CLIP1: variants seen among roughly 807,000 people sequenced by gnomAD.
CLIP1 encodes the protein CAP-Gly domain-containing linker protein 1.
A neutral mutation model predicts 161.6 loss-of-function variants in CLIP1; 66 were observed. That is an observed-to-expected ratio of 0.41 (90% confidence interval 0.33 to 0.50). CLIP1 has a LOEUF of 0.50. Ranked by LOEUF, CLIP1 falls within the 20% of genes least tolerant of loss-of-function variation. CLIP1 has a pLI of 0.27. For missense variants in CLIP1, 1,376 were observed against 1,702.0 expected (o/e 0.81, Z 3.37); for synonymous variants, 598 against 626.2 (o/e 0.96, Z 0.67).
intron 20 of CLIP1, among the ~76,000 whole-genome samples, chr12:122,289,014 C>T (rs1955982505): frequency 1.3e-5 from 2 of 151,028 alleles, no homozygotes; most frequent in Non-Finnish European, 3.0e-5. Flanking sequence ...GACGGGTTTT[C>T]ACCGTCTTAG....
rs779308380 is a variant in CLIP1 at position 122,311,719 on chromosome 12, G to A, written c.3474-1837C>T. 2.6e-5 allele frequency among the ~76,000 whole-genome samples: 4 copies of A among 152,082 alleles called. No homozygotes were observed. Among genetic ancestry groups the A allele is most frequent in the East Asian group, 1.9e-4 (1 of 5,194 alleles). On this transcript the variant is annotated intron_variant, in intron 19 of 25. Coordinates refer to ENST00000620786, the MANE Select transcript of CLIP1 (RefSeq NM_001247997.2). This position sits in a 1 kb window ranked among gnomAD's most constrained non-coding sequence, Gnocchi z 4.3. ...ATTACAGGCATGAGCCACCGCGCCC[G>A]GCCAAAATTATTGTTTTAAAATTTA... is the stretch of plus-strand genomic sequence containing the variant.
rs371382106 is a variant in CLIP1, at chr12:122,301,392, C to T, written c.3594+8370G>A. On this transcript the variant is annotated intron_variant, in intron 20 of 25. Transcript: ENST00000620786. Reference sequence around the variant, plus strand: ...GAAATATTAAAAACTTAGTCTGGGTCGGGCGCGGCGGCTCATGCCTATAAT... The same window carrying T: ...GAAATATTAAAAACTTAGTCTGGGTTGGGCGCGGCGGCTCATGCCTATAAT... Among the ~76,000 whole-genome samples the T allele has an allele frequency of 5.3e-5, 8 of 152,160 alleles. No homozygotes were observed. The East Asian group carries it at 5.8e-4, about 11-fold the overall frequency.
chr12:122,312,490 G>A (rs370218214), intron 19 of CLIP1, among the ~76,000 whole-genome samples: 60 of 152,302 alleles, frequency 3.9e-4, no homozygotes, highest in African/African-American at 1.4e-3. Context: ...GTGGCTGAGC[G>A]TAGTGGCTCA....
At chr12:122,292,104 G>A (rs1950271102) in intron 20 of CLIP1, among the ~76,000 whole-genome samples, 1 of 151,750 alleles carries the variant, frequency 6.6e-6, no homozygotes, top group Admixed American at 6.6e-5. Context: ...CAATTCTCGT[G>A]CCTCAGCCTC....
intron 11 of CLIP1, 117 bp downstream of exon 11, chr12:122,340,636 C>G (rs1952454160): frequency 1.3e-6 from 1 of 795,088 alleles, no homozygotes; most frequent in African/African-American, 1.7e-5. Context: ...CTGGGGACAT[C>G]AAGCAATTTA....
At chr12:122,407,988 C>T (rs1269071519) in intron 1 of CLIP1, among the ~76,000 whole-genome samples, 2 of 151,458 alleles carry the variant, frequency 1.3e-5, no homozygotes, top group Non-Finnish European at 2.9e-5. Context: ...GCCTGTAATG[C>T]CAGCACTTTG....
At chr12:122,381,792 C>G (rs1955023059) in intron 1 of CLIP1, among the ~76,000 whole-genome samples, 1 of 152,178 alleles carries the variant, frequency 6.6e-6, no homozygotes, top group Non-Finnish European at 1.5e-5. Context: ...ACAGTGCCCT[C>G]CCCCAAAGAC....
At chr12:122,345,930 C>A (rs1952726461) in intron 10 of CLIP1, among the ~76,000 whole-genome samples, 2 of 152,074 alleles carry the variant, frequency 1.3e-5, no homozygotes, top group Admixed American at 1.3e-4. Flanking sequence ...GGATTACAGG[C>A]ATGTGTCACC....
At chr12:122,393,719 C>A (rs1955767999) in intron 1 of CLIP1, among the ~76,000 whole-genome samples, 1 of 151,864 alleles carries the variant, frequency 6.6e-6, no homozygotes, top group Non-Finnish European at 1.5e-5. Flanking sequence ...CGAGACCAGC[C>A]TGGACAACAA....
intron 1 of CLIP1, among the ~76,000 whole-genome samples, chr12:122,416,841 A>G (rs1031522062): frequency 6.6e-6 from 1 of 151,996 alleles, no homozygotes; most frequent in Non-Finnish European, 1.5e-5. Context: ...CAGAGGTTGC[A>G]GTAAGCAGAG....
At chr12:122,370,959 AAAAAAAAAAAG>A (rs1417063499) in intron 3 of CLIP1, among the ~76,000 whole-genome samples, 2 of 122,632 alleles carry the variant, frequency 1.6e-5, no homozygotes, top group Admixed American at 7.8e-5. Context: ...CTCTGTCTCA[AAAAAAAAAAAG>A]AAAAAAAAAA....
At position 122,328,276 on chromosome 12, in the gene CLIP1, C is replaced by T. The variant is rs775744913; in HGVS notation, c.3018G>A (p.Arg1006=). ...ATCTCCTTACCAGGTCCGACAATTT[C>T]CTCTCCAATTCTTTCTTTTCTTCCT... ...KHEEEKKELE[R]KLSDLEKKME... Residue 1006 remains arginine, a synonymous_variant, in exon 16 of 26, where the codon AGG becomes AGA. Transcript: ENST00000620786. The T allele has an allele frequency of 3.1e-6, 5 of 1,613,940 alleles. No individual in the cohort carries two copies. Among genetic ancestry groups the T allele is most frequent in the Non-Finnish European group, 4.2e-6 (5 of 1,180,014 alleles).
intron 20 of CLIP1, among the ~76,000 whole-genome samples, chr12:122,289,054 G>A (rs936497144): frequency 2.7e-5 from 4 of 150,166 alleles, no homozygotes; most frequent in African/African-American, 9.7e-5. Context: ...CTGACCTTGT[G>A]ATCCGCCCGC....
At chr12:122,388,360 C>T (rs1252727902) in intron 1 of CLIP1, among the ~76,000 whole-genome samples, 1 of 152,150 alleles carries the variant, frequency 6.6e-6, no homozygotes, top group Non-Finnish European at 1.5e-5. Context: ...GCTGGGACTA[C>T]AGGCACCTGC....
intron 5 of CLIP1, among the ~76,000 whole-genome samples, chr12:122,356,821 G>C (rs1472609745): frequency 3.3e-5 from 5 of 152,192 alleles, no homozygotes; most frequent in Non-Finnish European, 7.4e-5. Context: ...TATTTTTTTG[G>C]TGGAGACGGG....
At chr12:122,387,493 C>T (rs1955328723) in intron 1 of CLIP1, among the ~76,000 whole-genome samples, 1 of 142,430 alleles carries the variant, frequency 7.0e-6, no homozygotes, top group African/African-American at 2.7e-5. Context: ...TGAAGCATTT[C>T]ATAAAGGAGA....
chr12:122,367,662 C>A (rs1954235715), intron 3 of CLIP1, among the ~76,000 whole-genome samples: 1 of 152,152 alleles, frequency 6.6e-6, no homozygotes, highest in South Asian at 2.1e-4. Flanking sequence ...CAAATCATAT[C>A]TAAGAAATCT....
intron 19 of CLIP1, among the ~76,000 whole-genome samples, chr12:122,313,774 A>C (rs969873214): frequency 6.6e-6 from 1 of 152,186 alleles, no homozygotes; most frequent in Non-Finnish European, 1.5e-5. Context: ...AACCAACACC[A>C]CACTGAGGGT....
intron 17 of CLIP1, among the ~76,000 whole-genome samples, chr12:122,326,677 C>CA (rs886248572): frequency 4.6e-5 from 7 of 151,364 alleles, no homozygotes; most frequent in Non-Finnish European, 1.0e-4. Context: ...GACCTTGTCT[C>CA]AAAAAAACAA....
Sources: gnomAD v4.1 joint callset for allele counts (sites outside exome capture counted in the v4.1 genomes callset) on GRCh38, gnomAD v4.1.1 for gene constraint, Gnocchi (gnomAD v3.1) non-coding constraint, MANE v1.5 for transcripts, NCBI Gene and HGNC (gene_info 2026-07-23, HGNC 2026-07-21) for gene names.